The following RNGTT variants were observed in gnomAD, a reference collection of about 807,000 sequenced individuals.
The protein encoded by RNGTT is RNA guanylyltransferase and 5'-phosphatase, also known as mRNA-capping enzyme.
A neutral mutation model predicts 79.3 loss-of-function variants in RNGTT; 33 were observed. That is an observed-to-expected ratio of 0.42 (90% CI 0.32 to 0.56). The LOEUF (loss-of-function observed/expected upper bound fraction) is 0.56. Among genes scored for constraint, RNGTT ranks in the 20% least tolerant of loss-of-function variants. The pLI, the probability that RNGTT is intolerant of heterozygous loss-of-function variation, is 0.17. For missense variants in RNGTT, 497 were observed against 739.1 expected (o/e 0.67, Z 3.80); for synonymous variants, 222 against 235.9 (o/e 0.94, Z 0.54).
chr6:88,907,735 CTT>C (rs34378893), intron 4 of RNGTT, among the ~76,000 whole-genome samples: 64 of 125,376 alleles, frequency 5.1e-4, no homozygotes, highest in Admixed American at 7.4e-4. Flanking sequence ...TAAGCTGTAT[CTT>C]TTTTTTTTTT....
At chr6:88,665,316 C>A (rs1304402417) in intron 14 of RNGTT, among the ~76,000 whole-genome samples, 1 of 152,142 alleles carries the variant, frequency 6.6e-6, no homozygotes, top group African/African-American at 2.4e-5. Flanking sequence ...GCCAGTCAGG[C>A]AAAACCAGTA....
At chr6:88,961,816 T>C (rs1475465384) in intron 1 of RNGTT, among the ~76,000 whole-genome samples, 2 of 152,140 alleles carry the variant, frequency 1.3e-5, no homozygotes, top group Admixed American at 6.5e-5. Context: ...ACAAGAGAAA[T>C]GAAAGTATAT....
At chr6:88,809,806 TG>T (rs200267135) in intron 11 of RNGTT, among the ~76,000 whole-genome samples, 3,883 of 152,238 alleles carry the variant, frequency 0.026, 174 homozygotes, top group African/African-American at 0.087. Flanking sequence ...CCCAGCACTT[TG>T]GGAGGCTGAG....
At position 88,895,229 on chromosome 6, in the gene RNGTT, CTGTGTGTGTGTG is replaced by C. The variant is rs5878081; in HGVS notation, c.685-3326_685-3315del. 3.5e-3 allele frequency among the ~76,000 whole-genome samples: 506 copies of C among 145,198 alleles called. 1 individual carries two copies. Among genetic ancestry groups the C allele is most frequent in the South Asian group, 8.2e-3 (36 of 4,396 alleles). On this transcript the variant is annotated intron_variant, in intron 6 of 15. Transcript: ENST00000369485. ...GAGGCAATTTATGTGAGAGAGAGCT[CTGTGTGTGTGTG>C]TGTGTGTGTGTGTGTGTGTGTGTGT...
intron 12 of RNGTT, among the ~76,000 whole-genome samples, chr6:88,791,125 T>C (rs1779391388): frequency 6.8e-6 from 1 of 146,778 alleles, no homozygotes; most frequent in African/African-American, 2.5e-5. Flanking sequence ...GAACCCTAAA[T>C]GCAATCACAA....
At chr6:88,799,002 T>C (rs11759655) in intron 12 of RNGTT, among the ~76,000 whole-genome samples, 3 of 152,150 alleles carry the variant, frequency 2.0e-5, no homozygotes, top group Non-Finnish European at 4.4e-5. Flanking sequence ...AACAGGATTG[T>C]TGAATCAATA....
intron 1 of RNGTT, among the ~76,000 whole-genome samples, chr6:88,955,100 G>A (rs1785382751): frequency 6.6e-6 from 1 of 151,820 alleles, no homozygotes; most frequent in African/African-American, 2.4e-5. Flanking sequence ...ACAAATACAT[G>A]GAAATTAAAA....
chr6:88,924,200 A>G (rs1227029123), intron 4 of RNGTT, among the ~76,000 whole-genome samples: 3 of 152,218 alleles, frequency 2.0e-5, no homozygotes, highest in Non-Finnish European at 4.4e-5. Flanking sequence ...CAGGTAATGC[A>G]GGGCAAAGTC....
At chr6:88,930,638 C>T (rs1455866656) in intron 2 of RNGTT, among the ~76,000 whole-genome samples, 1 of 152,122 alleles carries the variant, frequency 6.6e-6, no homozygotes, top group Non-Finnish European at 1.5e-5. Context: ...AAATTAAGAA[C>T]ACTACAGAAG....
intron 12 of RNGTT, among the ~76,000 whole-genome samples, chr6:88,793,775 G>A (rs994451358): frequency 2.0e-5 from 3 of 152,076 alleles, no homozygotes; most frequent in Admixed American, 1.3e-4. Context: ...CAGCCTGGGC[G>A]ACAGAGAAAG....
chr6:88,777,420 T>G (rs1428059995), intron 12 of RNGTT, among the ~76,000 whole-genome samples: 1 of 152,200 alleles, frequency 6.6e-6, no homozygotes, highest in East Asian at 1.9e-4. Flanking sequence ...ACCAAATCTG[T>G]GTATCACTTT....
intron 12 of RNGTT, among the ~76,000 whole-genome samples, chr6:88,781,526 T>C (rs905067601): frequency 3.9e-5 from 6 of 152,162 alleles, no homozygotes; most frequent in Non-Finnish European, 7.3e-5. Context: ...GAATCAATTA[T>C]GAACGCACAT....
In RNGTT at chr6:88,627,719, G is replaced by A. The variant is rs572468549; in HGVS notation, c.1507-13324C>T. Among the ~76,000 whole-genome samples the A allele has an allele frequency of 2.0e-5, 3 of 151,958 alleles. No individual in the cohort carries two copies. In the South Asian group the frequency reaches 6.2e-4, roughly 32 times the overall value. On this transcript the variant is annotated intron_variant, in intron 14 of 15. Transcript: ENST00000369485. Reference sequence around the variant, plus strand: ...TAAAATCACTCAATTTGCCTTAGTGGCACTTACAGGCACCGAAGACCACAG... The same window carrying A: ...TAAAATCACTCAATTTGCCTTAGTGACACTTACAGGCACCGAAGACCACAG...
rs549678725 is a variant in RNGTT at position 88,706,825 on chromosome 6, T to G, written c.1440-28406A>C. Reference sequence around the variant, plus strand: ...AAATTTACTCATAAATGGTTTTAGATACACACTTTAAAAACCAGCAAGAAC... The same window carrying G: ...AAATTTACTCATAAATGGTTTTAGAGACACACTTTAAAAACCAGCAAGAAC... On this transcript the variant is annotated intron_variant, in intron 13 of 15. Transcript: ENST00000369485. Among the ~76,000 whole-genome samples the G allele has an allele frequency of 7.2e-5, 11 of 152,040 alleles. No homozygotes were observed. The East Asian group carries it at 2.1e-3, about 29-fold the overall frequency.
chr6:88,754,687 A>G (rs745550015), intron 13 of RNGTT, among the ~76,000 whole-genome samples: 9 of 152,200 alleles, frequency 5.9e-5, no homozygotes, highest in Non-Finnish European at 1.5e-5. Context: ...CTGTGGGTTT[A>G]CTGGAATGAG....
chr6:88,850,979 C>G (rs1301621869), intron 9 of RNGTT, among the ~76,000 whole-genome samples: 1 of 151,934 alleles, frequency 6.6e-6, no homozygotes, highest in Non-Finnish European at 1.5e-5. Context: ...GCCTTCAAGG[C>G]TCATCTCTGT....
intron 13 of RNGTT, among the ~76,000 whole-genome samples, chr6:88,747,811 T>C (rs1176755988): frequency 6.6e-6 from 1 of 152,222 alleles, no homozygotes; most frequent in Non-Finnish European, 1.5e-5. Context: ...TATACATTCA[T>C]TTGGCCCATG....
chr6:88,615,775 G>A (rs767853862), intron 14 of RNGTT, among the ~76,000 whole-genome samples: 15 of 152,100 alleles, frequency 9.9e-5, no homozygotes, highest in Non-Finnish European at 1.8e-4. Flanking sequence ...GTCACTGAAA[G>A]AATAATAATT....
At chr6:88,614,990 C>G (rs1363068570) in intron 14 of RNGTT, among the ~76,000 whole-genome samples, 8 of 152,180 alleles carry the variant, frequency 5.3e-5, no homozygotes, top group Admixed American at 5.2e-4. Flanking sequence ...ACAGATGAAG[C>G]TATTTGTGAC....
Sources: gnomAD v4.1 joint callset for allele counts (sites outside exome capture counted in the v4.1 genomes callset) on GRCh38, gnomAD v4.1.1 for gene constraint, MANE v1.5 for transcripts, NCBI Gene and HGNC (gene_info 2026-07-23, HGNC 2026-07-21) for gene names.